PTPN12: variants seen among roughly 807,000 people sequenced by gnomAD.
The protein encoded by PTPN12 is tyrosine-protein phosphatase non-receptor type 12.
PTPN12 carries 29 observed loss-of-function variants against 97.6 expected under a neutral mutation model. The observed-to-expected ratio is 0.30, with a 90% CI of 0.22 to 0.41. The LOEUF (loss-of-function observed/expected upper bound fraction) is 0.41, where lower values mean the gene tolerates loss of function less well. Ranked by LOEUF, PTPN12 falls within the 10% of genes least tolerant of loss-of-function variation. The pLI is 1.00. For missense variants in PTPN12, 819 were observed against 926.0 expected (o/e 0.88, Z 1.50); for synonymous variants, 327 against 300.4 (o/e 1.09, Z -0.91).
chr7:77,607,805 G>A (rs1466350725), intron 9 of PTPN12, among the ~76,000 whole-genome samples: 1 of 150,940 alleles, frequency 6.6e-6, no homozygotes, highest in Non-Finnish European at 1.5e-5. Context: ...CCAGGCTGGA[G>A]TGCGATGGTG....
At chr7:77,542,664 G>A (rs1443191733) in intron 1 of PTPN12, among the ~76,000 whole-genome samples, 2 of 152,160 alleles carry the variant, frequency 1.3e-5, no homozygotes, top group South Asian at 2.1e-4. Flanking sequence ...ATCTAGCTTG[G>A]TATCTGTCAC....
At chr7:77,592,969 C>G (rs1323867940) in intron 6 of PTPN12, among the ~76,000 whole-genome samples, 1 of 151,930 alleles carries the variant, frequency 6.6e-6, no homozygotes, top group Non-Finnish European at 1.5e-5. Flanking sequence ...TGAACATAAC[C>G]TAAAAATCAA....
intron 8 of PTPN12, among the ~76,000 whole-genome samples, chr7:77,602,633 A>G (rs2151362667): frequency 6.6e-6 from 1 of 151,974 alleles, no homozygotes; most frequent in South Asian, 2.1e-4. Flanking sequence ...AAAAAAAAAA[A>G]GAATATAGGT....
intron 9 of PTPN12, among the ~76,000 whole-genome samples, chr7:77,609,273 C>CTTT (rs34358650): frequency 0.013 from 1,692 of 126,888 alleles, 16 homozygotes; most frequent in Middle Eastern, 0.021. Context: ...CTCTCTCTCT[C>CTTT]TTTTTTTTTT....
Position 77,625,540 on chromosome 7 carries a change from G to T in PTPN12, c.1026-1165G>T, listed in dbSNP as rs542061417. Among the ~76,000 whole-genome samples the T allele has an allele frequency of 4.1e-4, 19 of 46,522 alleles. 1 individual carries two copies. The highest frequency in any genetic ancestry group is 0.023 in the Middle Eastern group (1 of 44). 30.5% of individuals were successfully genotyped at this position (46,522 alleles called of 152,430 possible). On this transcript the variant is annotated intron_variant, in intron 12 of 17. Coordinates refer to ENST00000248594, the MANE Select transcript of PTPN12 (RefSeq NM_002835.4). ...CTCTCTCTCACTCTCACTCTCACTCGCGCTCTCTCTCTCGCTCTCTCTCTC... is the reference window on the plus strand; with the variant it reads ...CTCTCTCTCACTCTCACTCTCACTCTCGCTCTCTCTCTCGCTCTCTCTCTC...
At chr7:77,601,829 T>A (rs1788196569) in intron 8 of PTPN12, among the ~76,000 whole-genome samples, 1 of 152,130 alleles carries the variant, frequency 6.6e-6, no homozygotes, top group Non-Finnish European at 1.5e-5. Flanking sequence ...ACTGAAAAAT[T>A]TAAAGCCGGA....
At chr7:77,537,895 C>A in intron 1 of PTPN12, 1 of 525,698 alleles carries the variant, frequency 1.9e-6, no homozygotes, top group Non-Finnish European at 2.7e-6. Flanking sequence ...AGCGGCCGCG[C>A]GGCCGAGCCC....
rs1347154946 is a variant in PTPN12, at chr7:77,549,913, A to T, written c.99+12268A>T. On this transcript the variant is annotated intron_variant, in intron 1 of 17. Coordinates refer to ENST00000248594, the MANE Select transcript of PTPN12 (RefSeq NM_002835.4). The stretch of plus-strand genomic sequence containing the variant: ...CACTTTTATCAAAGTAGTCACTATG[A>T]TTTACTCCCTGATCATATGTCAGAA... Among the ~76,000 whole-genome samples, 10 of 152,214 alleles carry T rather than the reference A, an allele frequency of 6.6e-5. No individual in the cohort carries two copies. The South Asian group carries it at 2.1e-3, about 32-fold the overall frequency.
intron 5 of PTPN12, among the ~76,000 whole-genome samples, chr7:77,590,559 C>CT (rs539493706): frequency 0.26 from 37,180 of 141,676 alleles, 4,977 homozygotes; most frequent in Non-Finnish European, 0.31. Flanking sequence ...TTTTTTAAAT[C>CT]TTTTTTTTTT....
intron 8 of PTPN12, among the ~76,000 whole-genome samples, chr7:77,605,941 C>G (rs1298167579): frequency 7.6e-6 from 1 of 131,038 alleles, no homozygotes; most frequent in Admixed American, 8.2e-5. Context: ...AAAACAAGAG[C>G]CATCTTTTTT....
chr7:77,616,147 C>T (rs1788742767), intron 11 of PTPN12, among the ~76,000 whole-genome samples: 1 of 152,320 alleles, frequency 6.6e-6, no homozygotes, highest in Non-Finnish European at 1.5e-5. Context: ...CTTCTCTTTA[C>T]CCTTCCACCT....
In PTPN12 at chr7:77,639,988, G is replaced by C. The variant is rs1356819629; in HGVS notation, c.*708G>C. On this transcript the variant is annotated 3_prime_UTR_variant, in exon 18 of 18. Coordinates refer to ENST00000248594, the MANE Select transcript of PTPN12 (RefSeq NM_002835.4). ...GTGTTTCTTTAATATTTGAACTCAA[G>C]TGGGATTAGAAGACTATCAAAATAC... is the stretch of plus-strand genomic sequence containing the variant. 3 of 152,258 alleles carry C rather than the reference G, an allele frequency of 2.0e-5. No individual in the cohort carries two copies. The highest frequency in any genetic ancestry group is 7.3e-5 in the African/African-American group (3 of 41,312). The allele number at this position is 152,258 out of a possible 1,614,324, so 9.4% of individuals were successfully genotyped here.
intron 1 of PTPN12, among the ~76,000 whole-genome samples, chr7:77,564,761 T>TTTTTTG (rs1562715200): frequency 1.6e-4 from 16 of 103,076 alleles, no homozygotes; most frequent in African/African-American, 5.7e-4. Context: ...TTTTTTTTTT[T>TTTTTTG]TTTTTTTTTT....
chr7:77,618,571 G>T lies in PTPN12; in HGVS notation c.1025+6G>T, dbSNP rs1047635355. 6.3e-7 allele frequency: 1 copy of T among 1,575,090 alleles called. No individual in the cohort carries two copies. Among genetic ancestry groups the T allele is most frequent in the South Asian group, 1.1e-5 (1 of 89,170 alleles). ...AAACCACCAAGGACCCGCAGGTATT[G>T]TATGTCTTCGAACATTTTCTTTAAA... On this transcript the variant is annotated splice_donor_region_variant and intron_variant, in intron 12 of 17. Coordinates refer to ENST00000248594, the MANE Select transcript of PTPN12 (RefSeq NM_002835.4).
chr7:77,626,817 G>A lies in PTPN12; in HGVS notation c.1138G>A (p.Val380Met). Residue 380 changes from valine (V) to methionine (M), a missense_variant, in exon 13 of 18, where the codon GTG (valine) becomes ATG (methionine). By Grantham distance (21) the Val-to-Met change is conservative. This residue lies in a region of PTPN12 where 607 missense variants were observed against 577.3 expected (regional missense o/e 1.05). Coordinates refer to ENST00000248594, the MANE Select transcript of PTPN12 (RefSeq NM_002835.4). Reference protein sequence around the residue: ...PPSAFPTVTTVWQDNDRYHPK... With the variant: ...PPSAFPTVTTMWQDNDRYHPK... ...TTCAGCTTTTCCAACAGTCACTACT[G>A]TGTGGCAGGACAATGATAGATACCA... is the stretch of plus-strand genomic sequence containing the variant. The A allele has an allele frequency of 6.2e-7, 1 of 1,614,048 alleles. No homozygotes were observed. Among genetic ancestry groups the A allele is most frequent in the East Asian group, 2.2e-5 (1 of 44,876 alleles).
chr7:77,580,432 T>C (rs1303444907), intron 2 of PTPN12, among the ~76,000 whole-genome samples: 1 of 152,186 alleles, frequency 6.6e-6, no homozygotes, highest in Non-Finnish European at 1.5e-5. Context: ...GAACAGCATG[T>C]ATAGGATGCT....
chr7:77,624,794 C>T (rs1427855812), intron 12 of PTPN12, among the ~76,000 whole-genome samples: 3 of 151,900 alleles, frequency 2.0e-5, no homozygotes, highest in Non-Finnish European at 4.4e-5. Context: ...TGCCAGTTAT[C>T]TGGTTGGATA....
At chr7:77,563,831 A>G (rs1352934809) in intron 1 of PTPN12, 2 of 270,282 alleles carry the variant, frequency 7.4e-6, no homozygotes, top group African/African-American at 2.3e-5. Flanking sequence ...CATATTTTGC[A>G]ACTAAAGGTA....
At chr7:77,605,005 G>C in intron 8 of PTPN12, 1 of 215,906 alleles carries the variant, frequency 4.6e-6, no homozygotes. Context: ...CTGGTTATCT[G>C]TATCTTTATG....
Sources: gnomAD v4.1 joint callset for allele counts (sites outside exome capture counted in the v4.1 genomes callset) on GRCh38, gnomAD v4.1.1 for gene constraint, gnomAD v4.1.1 regional missense constraint, MANE v1.5 for transcripts, NCBI Gene and HGNC (gene_info 2026-07-23, HGNC 2026-07-21) for gene names.